Variants in SPATA6 observed in about 807,000 individuals in gnomAD.
The protein encoded by SPATA6 is spermatogenesis associated 6.
A neutral mutation model predicts 65.3 loss-of-function variants in SPATA6; 56 were observed. The observed-to-expected ratio is 0.86, with a 90% CI of 0.69 to 1.07. SPATA6 has a LOEUF of 1.07. Among genes scored for constraint, SPATA6 ranks in the 50% least tolerant of loss-of-function variants. The pLI is 0.00. For missense variants in SPATA6, 590 were observed against 594.8 expected (o/e 0.99, Z 0.08); for synonymous variants, 199 against 213.2 (o/e 0.93, Z 0.58).
intron 1 of SPATA6, among the ~76,000 whole-genome samples, chr1:48,459,360 T>C (rs1483802795): frequency 3.3e-5 from 5 of 152,092 alleles, no homozygotes; most frequent in Non-Finnish European, 7.4e-5. Context: ...TGACATAAAG[T>C]AGACTTCAGA....
chr1:48,425,246 C>A (rs1653727029), intron 3 of SPATA6, among the ~76,000 whole-genome samples: 2 of 152,242 alleles, frequency 1.3e-5, no homozygotes, highest in Admixed American at 1.3e-4. Flanking sequence ...ATTAAAGAGA[C>A]TATCTTTCCC....
chr1:48,380,000 T>C (rs1396595235), intron 9 of SPATA6, among the ~76,000 whole-genome samples: 1 of 152,240 alleles, frequency 6.6e-6, no homozygotes, highest in Non-Finnish European at 1.5e-5. Flanking sequence ...TTCCACAACA[T>C]ATACATATAT....
intron 11 of SPATA6, among the ~76,000 whole-genome samples, chr1:48,321,009 T>C (rs1490133301): frequency 1.3e-5 from 2 of 151,674 alleles, no homozygotes; most frequent in African/African-American, 2.4e-5. Flanking sequence ...AAATCTAAAA[T>C]AATACAACAT....
At chr1:48,375,028 G>C (rs374746180) in intron 9 of SPATA6, among the ~76,000 whole-genome samples, 1 of 152,136 alleles carries the variant, frequency 6.6e-6, no homozygotes, top group East Asian at 1.9e-4. Flanking sequence ...GACAATCCTA[G>C]AAGTCCAATA....
intron 11 of SPATA6, among the ~76,000 whole-genome samples, chr1:48,308,877 G>A (rs1336352565): frequency 6.6e-6 from 1 of 151,838 alleles, no homozygotes; most frequent in Non-Finnish European, 1.5e-5. Context: ...TTTTGACTCT[G>A]GCTTTTTTCA....
the SPATA6 span, among the ~76,000 whole-genome samples, chr1:48,283,437 T>C: frequency 6.6e-6 from 1 of 151,564 alleles, no homozygotes; most frequent in Non-Finnish European, 1.5e-5. Flanking sequence ...TCCCAGCACT[T>C]TGGGAGTCCA....
At chr1:48,312,105 G>A (rs192787192) in intron 11 of SPATA6, among the ~76,000 whole-genome samples, 1 of 152,320 alleles carries the variant, frequency 6.6e-6, no homozygotes, top group Admixed American at 6.5e-5. Context: ...AGCTCAAGGA[G>A]GCCTGCCTCC....
rs924825444 is a variant in SPATA6 at position 48,472,184 on chromosome 1, G to A, written c.-176C>T. On this transcript the variant is annotated 5_prime_UTR_variant, in exon 1 of 13. Coordinates refer to ENST00000371847, the MANE Select transcript of SPATA6 (RefSeq NM_019073.4). ...TTCCGCCGGAGAAGCAGCTGAGCGC[G>A]GGGCGCAGACTCGTTGTCATGGCAG... 5.5e-6 allele frequency: 3 copies of A among 546,578 alleles called. No individual in the cohort carries two copies. Among genetic ancestry groups the A allele is most frequent in the Non-Finnish European group, 6.3e-6 (2 of 319,156 alleles). 33.9% of individuals were successfully genotyped at this position (546,578 alleles called of 1,614,324 possible).
At chr1:48,330,512 G>A (rs1645884410) in intron 11 of SPATA6, among the ~76,000 whole-genome samples, 1 of 152,240 alleles carries the variant, frequency 6.6e-6, no homozygotes, top group Admixed American at 6.5e-5. Context: ...CCTTGCTTCT[G>A]TGTGAGCCTG....
At chr1:48,279,154 C>A in the SPATA6 span, among the ~76,000 whole-genome samples, 1 of 151,630 alleles carries the variant, frequency 6.6e-6, no homozygotes, top group African/African-American at 2.4e-5. Flanking sequence ...CACCACCAGG[C>A]CTGCCCTAAA....
the SPATA6 span, among the ~76,000 whole-genome samples, chr1:48,268,094 G>C: frequency 6.6e-6 from 1 of 151,938 alleles, no homozygotes; most frequent in Non-Finnish European, 1.5e-5. Flanking sequence ...TACGTGGGGG[G>C]CCAGGGTGGT....
chr1:48,458,181 T>C (rs1356985958), intron 1 of SPATA6, among the ~76,000 whole-genome samples: 4 of 150,784 alleles, frequency 2.7e-5, no homozygotes, highest in African/African-American at 2.4e-5. Flanking sequence ...AAAAAAGCAA[T>C]AGTGGAAGAA....
At chr1:48,369,106 G>A (rs745399520) in intron 9 of SPATA6, among the ~76,000 whole-genome samples, 5 of 152,226 alleles carry the variant, frequency 3.3e-5, no homozygotes, top group South Asian at 2.1e-4. Context: ...GCAGAACAGC[G>A]GATTTTCGTG....
intron 1 of SPATA6, among the ~76,000 whole-genome samples, chr1:48,468,235 C>T (rs1013271093): frequency 5.3e-5 from 8 of 151,970 alleles, no homozygotes; most frequent in African/African-American, 9.7e-5. Flanking sequence ...TACACTATTC[C>T]GATTTCTATC....
intron 12 of SPATA6, among the ~76,000 whole-genome samples, chr1:48,302,957 T>C (rs1482006189): frequency 1.3e-5 from 2 of 152,010 alleles, no homozygotes; most frequent in African/African-American, 4.8e-5. Flanking sequence ...GAATTTCCCA[T>C]GCTCTGCTCC....
At chr1:48,445,496 T>TA (rs1307881353) in intron 3 of SPATA6, among the ~76,000 whole-genome samples, 1 of 151,724 alleles carries the variant, frequency 6.6e-6, no homozygotes, top group Non-Finnish European at 1.5e-5. Flanking sequence ...CCGTCTCTAC[T>TA]AAAAATACAA....
At chr1:48,396,304 C>A (rs1650580853) in intron 7 of SPATA6, among the ~76,000 whole-genome samples, 1 of 151,714 alleles carries the variant, frequency 6.6e-6, no homozygotes, top group Non-Finnish European at 1.5e-5. Flanking sequence ...GGTACACCTG[C>A]TATAAAAAAC....
intron 5 of SPATA6, among the ~76,000 whole-genome samples, chr1:48,409,314 C>T (rs1651995274): frequency 2.6e-5 from 4 of 152,378 alleles, no homozygotes; most frequent in Admixed American, 2.0e-4. Context: ...ACATCCAGGT[C>T]ACACTGATAC....
Position 48,320,476 on chromosome 1 carries a change from T to C in SPATA6, c.1195-14598A>G, listed in dbSNP as rs936993599. On this transcript the variant is annotated intron_variant, in intron 11 of 12. Transcript: ENST00000371847. ...GGGTAGCAACATGTATTTAAAGTGC[T>C]GAAGGAAAACCTTGTATTGTAGAAT... Among the ~76,000 whole-genome samples the C allele has an allele frequency of 3.0e-4, 45 of 152,214 alleles. 1 individual carries two copies. The highest frequency in any genetic ancestry group is 2.6e-4 in the Admixed American group (4 of 15,276).
Sources: gnomAD v4.1 joint callset for allele counts (sites outside exome capture counted in the v4.1 genomes callset) on GRCh38, gnomAD v4.1.1 for gene constraint, MANE v1.5 for transcripts, NCBI Gene and HGNC (gene_info 2026-07-23, HGNC 2026-07-21) for gene names.